The following SYT17 variants were observed in gnomAD, a reference collection of about 807,000 sequenced individuals.
The protein encoded by SYT17 is synaptotagmin-17.
A neutral mutation model predicts 46.7 loss-of-function variants in SYT17; 22 were observed. The observed-to-expected ratio is 0.47, with a 90% CI of 0.34 to 0.67. SYT17 has a LOEUF of 0.67. Ranked by LOEUF, SYT17 falls within the 30% of genes least tolerant of loss-of-function variation. SYT17 has a pLI of 0.01. For missense variants in SYT17, 519 were observed against 612.8 expected (o/e 0.85, Z 1.62); for synonymous variants, 251 against 248.4 (o/e 1.01, Z -0.10).
intron 1 of SYT17, among the ~76,000 whole-genome samples, chr16:19,169,072 G>C (rs1304227379): frequency 6.6e-6 from 1 of 152,052 alleles, no homozygotes; most frequent in Non-Finnish European, 1.5e-5. Flanking sequence ...CTAATTGGCC[G>C]GCGGAGCGAG....
chr16:19,241,548 G>A (rs977795697), intron 7 of SYT17, among the ~76,000 whole-genome samples: 8 of 152,174 alleles, frequency 5.3e-5, no homozygotes, highest in Non-Finnish European at 8.8e-5. Context: ...GCCTGGGGCG[G>A]GGGCCCAGGT....
At chr16:19,220,406 G>C (rs1222746321) in intron 5 of SYT17, among the ~76,000 whole-genome samples, 1 of 144,596 alleles carries the variant, frequency 6.9e-6, no homozygotes, top group East Asian at 2.1e-4. Context: ...GGATTCAAGT[G>C]ATCTGCCTCA....
chr16:19,203,247 T>C (rs193049031), intron 5 of SYT17, among the ~76,000 whole-genome samples: 38 of 151,920 alleles, frequency 2.5e-4, no homozygotes, highest in Middle Eastern at 3.4e-3. Flanking sequence ...TCCCAGCAGT[T>C]TGGGAGGCCG....
chr16:19,263,640 C>CAAAA (rs1157288423), intron 7 of SYT17, among the ~76,000 whole-genome samples: 6 of 39,258 alleles, frequency 1.5e-4, no homozygotes, highest in Non-Finnish European at 2.3e-4. Context: ...AATTACAACT[C>CAAAA]AAAAAAAAAA....
At chr16:19,188,988 G>A (rs377705851) in intron 5 of SYT17, among the ~76,000 whole-genome samples, 2 of 152,086 alleles carry the variant, frequency 1.3e-5, no homozygotes, top group African/African-American at 2.4e-5. Flanking sequence ...CCGGGTTCAC[G>A]CCATTCTCCT....
At chr16:19,173,031 A>AT in intron 2 of SYT17, 2 of 581,882 alleles carry the variant, frequency 3.4e-6, no homozygotes, top group Non-Finnish European at 6.0e-6. Flanking sequence ...TGTCACCGAG[A>AT]TTTTTTAAAA....
At chr16:19,262,695 G>A (rs1021247644) in intron 7 of SYT17, among the ~76,000 whole-genome samples, 13 of 152,214 alleles carry the variant, frequency 8.5e-5, no homozygotes, top group African/African-American at 2.4e-4. Flanking sequence ...GTTAGAGGAC[G>A]TTGGTCATAT....
intron 5 of SYT17, among the ~76,000 whole-genome samples, chr16:19,217,067 G>A (rs979398974): frequency 5.3e-5 from 8 of 152,098 alleles, no homozygotes; most frequent in African/African-American, 1.7e-4. Context: ...TTTAATGATC[G>A]CCATTTTAAC....
At chr16:19,206,973 T>C (rs1404702714) in intron 5 of SYT17, among the ~76,000 whole-genome samples, 3 of 152,198 alleles carry the variant, frequency 2.0e-5, no homozygotes, top group Non-Finnish European at 4.4e-5. Context: ...ATGGGAGGTA[T>C]TGGGTCATGG....
intron 7 of SYT17, among the ~76,000 whole-genome samples, chr16:19,246,009 TTTA>T (rs1967527605): frequency 6.6e-6 from 1 of 151,932 alleles, no homozygotes; most frequent in African/African-American, 2.4e-5. Context: ...ATATTATTTA[TTTA>T]TTTTTTTTTT....
Position 19,192,756 on chromosome 16 carries a change from A to T in SYT17, c.951+8609A>T, listed in dbSNP as rs143340748. ...TGATGCCCAGAAGCAGCCTTTGAGG[A>T]AACTATAAACAAGGAATATCAAACA... On this transcript the variant is annotated intron_variant, in intron 5 of 7. Transcript: ENST00000355377. 6.2e-3 allele frequency among the ~76,000 whole-genome samples: 944 copies of T among 152,278 alleles called. 11 individuals carry two copies. The highest frequency in any genetic ancestry group is 0.013 in the Admixed American group (202 of 15,292).
Position 19,206,587 on chromosome 16 carries a change from G to C in SYT17, c.952-16458G>C, listed in dbSNP as rs188462431. Among the ~76,000 whole-genome samples the C allele has an allele frequency of 9.9e-5, 15 of 152,184 alleles. No homozygotes were observed. The East Asian group carries it at 1.4e-3, about 14-fold the overall frequency. Reference sequence around the variant, plus strand: ...CTGGAGGCTTATAGTCCAAATTCAGGGTGTTAGCCGAGTTGATTCCTTGCA... The same window carrying C: ...CTGGAGGCTTATAGTCCAAATTCAGCGTGTTAGCCGAGTTGATTCCTTGCA... On this transcript the variant is annotated intron_variant, in intron 5 of 7. Transcript: ENST00000355377.
chr16:19,173,595 T>G lies in SYT17; in HGVS notation c.182+17T>G. 1 of 1,610,480 alleles carries G rather than the reference T, an allele frequency of 6.2e-7. No homozygotes were observed. Among genetic ancestry groups the G allele is most frequent in the Non-Finnish European group, 8.5e-7 (1 of 1,178,730 alleles). On this transcript the variant is annotated intron_variant, in intron 3 of 7. Coordinates refer to ENST00000355377, the MANE Select transcript of SYT17 (RefSeq NM_016524.4). ...TCCCTGGCTGTAAGTAAAACTGCTCTGAACTTCTCTGAAATCAATTTCAAG... is the reference window on the plus strand; with the variant it reads ...TCCCTGGCTGTAAGTAAAACTGCTCGGAACTTCTCTGAAATCAATTTCAAG...
chr16:19,211,401 T>C (rs1259083432), intron 5 of SYT17: 2 of 703,550 alleles, frequency 2.8e-6, no homozygotes, highest in Admixed American at 2.0e-5. Flanking sequence ...TCTGGTGCTG[T>C]GAATATAGTA....
At chr16:19,214,178 G>T (rs1021501511) in intron 5 of SYT17, among the ~76,000 whole-genome samples, 2 of 152,304 alleles carry the variant, frequency 1.3e-5, no homozygotes, top group Non-Finnish European at 2.9e-5. Context: ...GTTGATGCAA[G>T]TTGGATGTCC....
Position 19,267,390 on chromosome 16 carries a change from A to C in SYT17, c.*314A>C, listed in dbSNP as rs1165880861. On this transcript the variant is annotated 3_prime_UTR_variant, in exon 8 of 8. Transcript: ENST00000355377. ...TGCTCTTGTCAATACTCCTGCCCCAAAATGCACTTTCAACCCTCAGGCCAG... is the reference window on the plus strand; with the variant it reads ...TGCTCTTGTCAATACTCCTGCCCCACAATGCACTTTCAACCCTCAGGCCAG... The C allele has an allele frequency of 1.4e-5, 3 of 213,634 alleles. No homozygotes were observed. The highest frequency in any genetic ancestry group is 2.8e-5 in the Non-Finnish European group (3 of 108,668). 13.2% of individuals were successfully genotyped at this position (213,634 alleles called of 1,614,324 possible). A position where few individuals can be genotyped will look rare whatever the true frequency, so the allele number is the denominator to read the frequency against.
intron 5 of SYT17, among the ~76,000 whole-genome samples, chr16:19,201,742 G>T (rs1333277990): frequency 2.0e-5 from 3 of 151,740 alleles, no homozygotes; most frequent in Non-Finnish European, 4.4e-5. Flanking sequence ...GTGGGTAAGG[G>T]AGTAGGCTTT....
At chr16:19,250,644 G>C (rs931468252) in intron 7 of SYT17, among the ~76,000 whole-genome samples, 1 of 152,108 alleles carries the variant, frequency 6.6e-6, no homozygotes, top group Admixed American at 6.6e-5. Flanking sequence ...ATAGTGTTGG[G>C]ATTACAGGCA....
At chr16:19,242,527 T>TA (rs538333178) in intron 7 of SYT17, among the ~76,000 whole-genome samples, 13,954 of 152,086 alleles carry the variant, frequency 0.092, 727 homozygotes, top group Non-Finnish European at 0.1. Flanking sequence ...TTTTTTTAAT[T>TA]AAAAAAATTT....
Sources: allele counts gnomAD v4.1 joint callset (sites outside exome capture counted in the v4.1 genomes callset), GRCh38; gene constraint gnomAD v4.1.1; transcripts MANE v1.5; gene names NCBI Gene and HGNC (gene_info 2026-07-23, HGNC 2026-07-21).